Variants in ADGRG4 observed in about 807,000 individuals in gnomAD.
ADGRG4 encodes adhesion G protein-coupled receptor G4, also known as G protein-coupled receptor 112.
Under a neutral mutation model 126.2 loss-of-function variants are expected in ADGRG4, and 122 were observed. The observed-to-expected ratio is 0.97, with a 90% confidence interval of 0.83 to 1.12. The LOEUF is 1.12. Among genes scored for constraint, ADGRG4 ranks in the 50% most tolerant of loss-of-function variants. ADGRG4 has a pLI of 0.00. For missense variants in ADGRG4, 2,481 were observed against 2,251.8 expected (o/e 1.10, Z -2.06); for synonymous variants, 943 against 838.7 (o/e 1.12, Z -2.15).
At chrX:136,323,617 ACTT>A (rs747667467) in intron 5 of ADGRG4, among the ~76,000 whole-genome samples, 13 of 92,443 alleles carry the variant, frequency 1.4e-4, no homozygotes, top group Non-Finnish European at 2.6e-4. Flanking sequence ...CACACACACC[ACTT>A]ATTTGTTTCT....
chrX:136,325,742 G>T (rs1382867200), intron 5 of ADGRG4, among the ~76,000 whole-genome samples: 1 of 96,554 alleles, frequency 1.0e-5, no homozygotes. Context: ...ATGGAGTCTC[G>T]CTGCGACACC....
At chrX:136,365,077 C>T (rs931137747) in intron 13 of ADGRG4, among the ~76,000 whole-genome samples, 16 of 111,774 alleles carry the variant, frequency 1.4e-4, no homozygotes, top group Admixed American at 8.6e-4. Flanking sequence ...GATCTTTTTG[C>T]GATGTGATAA....
chrX:136,387,719 T>A, intron 15 of ADGRG4, 21 bp from the exon 16 acceptor site: 2 of 1,199,157 alleles, frequency 1.7e-6, no homozygotes, highest in South Asian at 3.7e-5. Context: ...CCAATTTTCA[T>A]TTTTTGGCTT....
chrX:136,377,560 C>T (rs1382447262), intron 15 of ADGRG4, among the ~76,000 whole-genome samples: 1 of 111,669 alleles, frequency 9.0e-6, no homozygotes, highest in African/African-American at 3.3e-5. Flanking sequence ...CCATATATGA[C>T]TTGTCTATGA....
chrX:136,317,499 C>CAAAAAAAAAAAAAAAAAAAAAA (rs35736381), intron 4 of ADGRG4, among the ~76,000 whole-genome samples: 1 of 40,648 alleles, frequency 2.5e-5, no homozygotes, highest in Non-Finnish European at 4.3e-5. Flanking sequence ...GACTCCATCT[C>CAAAAAAAAAAAAAAAAAAAAAA]AAAAAAAAAA....
intron 15 of ADGRG4, among the ~76,000 whole-genome samples, chrX:136,383,477 T>C (rs918310767): frequency 4.5e-5 from 5 of 112,095 alleles, no homozygotes; most frequent in Non-Finnish European, 7.5e-5. Context: ...AGCCTTCTTA[T>C]GGTTACTCTA....
intron 5 of ADGRG4, 74 bp from the exon 6 acceptor site, chrX:136,344,318 T>C: frequency 1.6e-6 from 1 of 617,297 alleles, no homozygotes; most frequent in Non-Finnish European, 2.5e-6. Context: ...GAAAAGAAAT[T>C]ATAGAGCTCT....
chrX:136,380,604 C>CTCCTCTTCTTCTTCTTCTTCT (rs2075255832), intron 15 of ADGRG4, among the ~76,000 whole-genome samples: 4 of 55,346 alleles, frequency 7.2e-5, no homozygotes, highest in Non-Finnish European at 1.4e-4. Flanking sequence ...CCTCCTCCTC[C>CTCCTCTTCTTCTTCTTCTTCT]TCTTCTTCTT....
intron 15 of ADGRG4, 73 bp from the exon 16 acceptor site, chrX:136,387,667 G>T (rs2075298996): frequency 4.1e-6 from 4 of 983,883 alleles, no homozygotes; most frequent in South Asian, 2.2e-5. Context: ...GGCTGAGCTG[G>T]GGTGGGAGGT....
At position 136,395,494 on chromosome X, in the gene ADGRG4, G is replaced by C. The variant is rs200569865; in HGVS notation, c.8184+1G>C. 3.7e-6 allele frequency: 4 copies of C among 1,081,690 alleles called. No individual in the cohort carries two copies. The highest frequency in any genetic ancestry group is 5.1e-6 in the Non-Finnish European group (4 of 780,766). 89.1% of individuals were successfully genotyped at this position (1,081,690 alleles called of 1,213,427 possible). On this transcript the variant is annotated splice_donor_variant, in intron 19 of 25. Transcript: ENST00000394143. LOFTEE classifies it high-confidence loss of function. ...CCTCACCCATTTTGGAGTCTTAATGGTGAGTTGTCTCTTAGTCACTCCTCG... is the reference window on the plus strand; with the variant it reads ...CCTCACCCATTTTGGAGTCTTAATGCTGAGTTGTCTCTTAGTCACTCCTCG...
At chrX:136,343,754 T>G (rs1224948963) in intron 5 of ADGRG4, among the ~76,000 whole-genome samples, 1 of 112,197 alleles carries the variant, frequency 8.9e-6, no homozygotes, top group African/African-American at 3.2e-5. Context: ...GCACTTACTC[T>G]GTATAAGAAG....
intron 5 of ADGRG4, among the ~76,000 whole-genome samples, chrX:136,333,512 G>GTTTA (rs957845601): frequency 1.9e-4 from 21 of 111,083 alleles, no homozygotes; most frequent in East Asian, 5.6e-4. Context: ...GTATTTATTT[G>GTTTA]TTTATTTATT....
chrX:136,405,905 ATTTTT>A lies in ADGRG4; in HGVS notation c.8870_8874del (p.Phe2957CysfsTer17), dbSNP rs771931957. On this transcript the variant is annotated frameshift_variant, in exon 23 of 26. Transcript: ENST00000394143. LOFTEE classifies it high-confidence loss of function. ...TACTTGGCCTCACCTGGGGGTTTGC[ATTTTT>A]TGCTTGGGGACCCATGAGGAACTTT... is the stretch of plus-strand genomic sequence containing the variant. The A allele has an allele frequency of 8.5e-7, 1 of 1,181,085 alleles. No individual in the cohort carries two copies. Among genetic ancestry groups the A allele is most frequent in the East Asian group, 3.0e-5 (1 of 33,197 alleles).
intron 5 of ADGRG4, among the ~76,000 whole-genome samples, chrX:136,344,053 TA>T (rs768997848): frequency 1.8e-4 from 20 of 112,251 alleles, no homozygotes; most frequent in African/African-American, 6.1e-4. Context: ...TGAGTTCTTA[TA>T]GCTGTATTTT....
At chrX:136,414,044 A>C in intron 24 of ADGRG4, 116 bp from the exon 25 acceptor site, 1 of 667,648 alleles carries the variant, frequency 1.5e-6, no homozygotes, top group Non-Finnish European at 2.2e-6. Context: ...CCTGGCCTAA[A>C]CTTTGTATTT....
chrX:136,403,016 G>A (rs1410648853), intron 21 of ADGRG4, among the ~76,000 whole-genome samples: 2 of 112,408 alleles, frequency 1.8e-5, no homozygotes, highest in African/African-American at 6.5e-5. Context: ...TAACTAGTGG[G>A]CGTTGTATTG....
chrX:136,368,597 T>G (rs936662329), intron 13 of ADGRG4, among the ~76,000 whole-genome samples: 3 of 111,973 alleles, frequency 2.7e-5, no homozygotes, highest in African/African-American at 6.5e-5. Flanking sequence ...AGGTGCTGAT[T>G]TGTAGCTTTT....
chrX:136,319,719 CTAT>C (rs2148449223), intron 4 of ADGRG4, among the ~76,000 whole-genome samples: 1 of 108,485 alleles, frequency 9.2e-6, no homozygotes, highest in East Asian at 2.9e-4. Flanking sequence ...ATCTATCTAT[CTAT>C]CTATCTATCT....
At chrX:136,318,065 CAT>C (rs1465617814) in intron 4 of ADGRG4, among the ~76,000 whole-genome samples, 5 of 112,427 alleles carry the variant, frequency 4.4e-5, no homozygotes, top group Non-Finnish European at 9.4e-5. Flanking sequence ...TAAATAAAAA[CAT>C]GTGTTCAAAC....
Sources: allele counts gnomAD v4.1 joint callset (sites outside exome capture counted in the v4.1 genomes callset), GRCh38; gene constraint gnomAD v4.1.1; transcripts MANE v1.5; gene names NCBI Gene and HGNC (gene_info 2026-07-23, HGNC 2026-07-21).